RARRES1: variants seen among roughly 807,000 people sequenced by gnomAD.
The protein encoded by RARRES1 is retinoic acid receptor responder 1.
Under a neutral mutation model 30.6 loss-of-function variants are expected in RARRES1, and 34 were observed. The observed-to-expected ratio is 1.11, with a 90% CI of 0.84 to 1.48. RARRES1 has a LOEUF of 1.48. Among genes scored for constraint, RARRES1 ranks in the 40% most tolerant of loss-of-function variants. RARRES1 has a pLI of 0.00. For synonymous variants in RARRES1, 153 were observed against 155.5 expected (o/e 0.98, Z 0.12); for missense variants, 373 against 386.5 (o/e 0.97, Z 0.29).
intron 1 of RARRES1, among the ~76,000 whole-genome samples, chr3:158,716,850 C>T (rs1323699160): frequency 2.0e-5 from 3 of 152,200 alleles, no homozygotes; most frequent in African/African-American, 7.2e-5. Context: ...TCCCAAAGTG[C>T]TAGGATTATA....
At chr3:158,704,307 A>G (rs1450995838) in intron 4 of RARRES1, among the ~76,000 whole-genome samples, 1 of 136,802 alleles carries the variant, frequency 7.3e-6, no homozygotes, top group Non-Finnish European at 1.5e-5. Context: ...ATCATAGCTT[A>G]TTACAACCTC....
At chr3:158,714,214 G>A (rs1474886459) in intron 1 of RARRES1, among the ~76,000 whole-genome samples, 1 of 152,168 alleles carries the variant, frequency 6.6e-6, no homozygotes. Context: ...CCCTGTCCTG[G>A]GGCCACATCA....
chr3:158,726,376 C>G (rs537365432), intron 1 of RARRES1, among the ~76,000 whole-genome samples: 50 of 152,194 alleles, frequency 3.3e-4, no homozygotes, highest in Non-Finnish European at 6.8e-4. Flanking sequence ...TCCTAACTGC[C>G]TTGTGGCCTA....
chr3:158,703,206 C>T (rs1726794235), intron 4 of RARRES1, among the ~76,000 whole-genome samples: 1 of 152,182 alleles, frequency 6.6e-6, no homozygotes, highest in Admixed American at 6.5e-5. Context: ...ACTTTGATAT[C>T]TGCCCTCCTA....
chr3:158,706,845 C>T (rs955805529), intron 3 of RARRES1, among the ~76,000 whole-genome samples: 3 of 152,048 alleles, frequency 2.0e-5, no homozygotes, highest in South Asian at 2.1e-4. Flanking sequence ...AATACAGTGT[C>T]AAGAAAGTCA....
chr3:158,708,926 G>T (rs1727022295), intron 3 of RARRES1, among the ~76,000 whole-genome samples: 1 of 152,112 alleles, frequency 6.6e-6, no homozygotes. Flanking sequence ...CAAAGTGCTG[G>T]GATTGCAGGC....
chr3:158,708,994 A>G (rs963582651), intron 3 of RARRES1, among the ~76,000 whole-genome samples: 1 of 152,180 alleles, frequency 6.6e-6, no homozygotes, highest in Non-Finnish European at 1.5e-5. Flanking sequence ...TACCTTATCT[A>G]AAACCAAACC....
intron 4 of RARRES1, among the ~76,000 whole-genome samples, chr3:158,700,931 C>T (rs16829318): frequency 0.41 from 61,816 of 151,894 alleles, 13,520 homozygotes; most frequent in African/African-American, 0.57. Flanking sequence ...CAAAGGATCT[C>T]TAACAGAACT....
intron 3 of RARRES1, among the ~76,000 whole-genome samples, chr3:158,709,449 A>T (rs1727039143): frequency 6.6e-6 from 1 of 152,248 alleles, no homozygotes; most frequent in African/African-American, 2.4e-5. Flanking sequence ...TTCTGCTACA[A>T]CATGAGATTT....
At chr3:158,699,434 A>ACCCC (rs139216148) in intron 4 of RARRES1, among the ~76,000 whole-genome samples, 136 of 137,756 alleles carry the variant, frequency 9.9e-4, no homozygotes, top group African/African-American at 3.5e-3. Flanking sequence ...CAAAAAAGCA[A>ACCCC]CCCCCCCCCC....
intron 2 of RARRES1, 89 bp downstream of exon 2, chr3:158,713,708 G>A: frequency 7.8e-7 from 1 of 1,280,564 alleles, no homozygotes; most frequent in Non-Finnish European, 1.1e-6. Context: ...CAAACCTCCA[G>A]ATCACTATAT....
intron 1 of RARRES1, among the ~76,000 whole-genome samples, chr3:158,717,621 A>G (rs1374981044): frequency 6.6e-6 from 1 of 152,214 alleles, no homozygotes; most frequent in Non-Finnish European, 1.5e-5. Context: ...CCTGAGAGAA[A>G]TGGAAAGCCA....
intron 1 of RARRES1, among the ~76,000 whole-genome samples, chr3:158,730,130 C>G (rs112207215): frequency 6.6e-6 from 1 of 151,600 alleles, no homozygotes; most frequent in Non-Finnish European, 1.5e-5. Flanking sequence ...GAACAGCCTG[C>G]CCAACATGGT....
intron 1 of RARRES1, among the ~76,000 whole-genome samples, chr3:158,721,606 T>C (rs6804249): frequency 0.58 from 87,826 of 152,060 alleles, 26,170 homozygotes; most frequent in African/African-American, 0.73. Context: ...TCTCTTCAAA[T>C]GCCTGAGAGT....
chr3:158,716,371 G>T (rs1727322734), intron 1 of RARRES1, among the ~76,000 whole-genome samples: 1 of 152,134 alleles, frequency 6.6e-6, no homozygotes, highest in African/African-American at 2.4e-5. Flanking sequence ...TTCGGGCATG[G>T]TTATATGCTA....
At chr3:158,712,615 G>C (rs895474769) in intron 2 of RARRES1, among the ~76,000 whole-genome samples, 6 of 151,726 alleles carry the variant, frequency 4.0e-5, no homozygotes. Context: ...TTATGAAAGG[G>C]CAGAAGGAAC....
At chr3:158,724,828 CTT>C (rs371008452) in intron 1 of RARRES1, among the ~76,000 whole-genome samples, 5 of 144,660 alleles carry the variant, frequency 3.5e-5, no homozygotes, top group Admixed American at 6.9e-5. Context: ...GACTCCCTTT[CTT>C]TTTTTTTTTT....
rs377351743 is a variant in RARRES1 at position 158,706,895 on chromosome 3, A to G, written c.536-1968T>C. 1.2e-3 allele frequency among the ~76,000 whole-genome samples: 187 copies of G among 152,280 alleles called. 2 individuals carry two copies. The highest frequency in any genetic ancestry group is 2.1e-3 in the Non-Finnish European group (146 of 68,014). On this transcript the variant is annotated intron_variant, in intron 3 of 5. Transcript: ENST00000237696. ...GTAAAGTGCTGCAGATAGGCCGGGCATGGTGGCTCACGCCTGTAATCCCAG... is the reference window on the plus strand; with the variant it reads ...GTAAAGTGCTGCAGATAGGCCGGGCGTGGTGGCTCACGCCTGTAATCCCAG...
rs546557066 is a variant in RARRES1, at chr3:158,697,627, A to C, written c.*51T>G. 2 of 1,511,524 alleles carry C rather than the reference A, an allele frequency of 1.3e-6. No homozygotes were observed. Among genetic ancestry groups the C allele is most frequent in the South Asian group, 2.4e-5 (2 of 84,914 alleles). The allele number at this position is 1,511,524 out of a possible 1,614,324, so 93.6% of individuals were successfully genotyped here. The stretch of plus-strand genomic sequence containing the variant: ...AGCTGTTTTACTAGAAGAATGATTT[A>C]TGCTAGTATAGTCACTTGTTTAGAA... On this transcript the variant is annotated 3_prime_UTR_variant, in exon 6 of 6. Coordinates refer to ENST00000237696, the MANE Select transcript of RARRES1 (RefSeq NM_206963.2).
Sources: allele counts gnomAD v4.1 joint callset (sites outside exome capture counted in the v4.1 genomes callset), GRCh38; gene constraint gnomAD v4.1.1; transcripts MANE v1.5; gene names NCBI Gene and HGNC (gene_info 2026-07-23, HGNC 2026-07-21).